Variants in ALDH2 observed in about 807,000 individuals in gnomAD.
The protein encoded by ALDH2 is aldehyde dehydrogenase 2 family member.
A neutral mutation model predicts 59.6 loss-of-function variants in ALDH2; 44 were observed. The observed-to-expected ratio is 0.74, with a 90% CI of 0.58 to 0.95. The LOEUF (loss-of-function observed/expected upper bound fraction) is 0.95. ALDH2 is among the 40% of genes least tolerant of loss of function. ALDH2 has a pLI of 0.00. For synonymous variants in ALDH2, 291 were observed against 284.0 expected (o/e 1.02, Z -0.25); for missense variants, 570 against 696.3 (o/e 0.82, Z 2.04).
At chr12:111,770,938 C>T (rs765574013) in intron 1 of ALDH2, among the ~76,000 whole-genome samples, 8 of 152,000 alleles carry the variant, frequency 5.3e-5, no homozygotes, top group Non-Finnish European at 7.4e-5. Flanking sequence ...GCACTGCAGC[C>T]AGCCAATTTT....
intron 1 of ALDH2, among the ~76,000 whole-genome samples, chr12:111,780,795 C>T (rs1809681990): frequency 6.6e-6 from 1 of 152,146 alleles, no homozygotes; most frequent in Non-Finnish European, 1.5e-5. Flanking sequence ...TGGCCCATCG[C>T]AGGTGTTCAT....
chr12:111,796,656 A>G (rs1330565529), intron 9 of ALDH2, among the ~76,000 whole-genome samples: 1 of 152,146 alleles, frequency 6.6e-6, no homozygotes, highest in Admixed American at 6.5e-5. Flanking sequence ...TAGTCCTAAC[A>G]CTTGGGAGGG....
At chr12:111,794,979 A>G (rs1442339509) in intron 9 of ALDH2, among the ~76,000 whole-genome samples, 1 of 152,126 alleles carries the variant, frequency 6.6e-6, no homozygotes, top group Non-Finnish European at 1.5e-5. Flanking sequence ...ACCCATTAGC[A>G]GTCACTCCCC....
intron 1 of ALDH2, among the ~76,000 whole-genome samples, chr12:111,777,547 AGGG>A (rs1357730259): frequency 6.6e-6 from 1 of 152,134 alleles, no homozygotes; most frequent in Non-Finnish European, 1.5e-5. Flanking sequence ...CCTGTGCTAC[AGGG>A]GGAAGGAGAG....
intron 4 of ALDH2, 147 bp from the exon 5 acceptor site, chr12:111,789,676 G>A (rs2068341155): frequency 7.3e-6 from 5 of 685,716 alleles, no homozygotes; most frequent in Admixed American, 2.7e-5. Flanking sequence ...GACCTTTGCA[G>A]TCACTTGTCT....
intron 1 of ALDH2, among the ~76,000 whole-genome samples, chr12:111,769,538 A>G (rs1005349954): frequency 4.0e-5 from 6 of 150,222 alleles, no homozygotes; most frequent in Non-Finnish European, 7.4e-5. Context: ...TGCCTGCAGC[A>G]AGAGAGAGAG....
chr12:111,807,971 G>T (rs184047998), intron 12 of ALDH2, among the ~76,000 whole-genome samples: 1 of 151,924 alleles, frequency 6.6e-6, no homozygotes, highest in East Asian at 1.9e-4. Flanking sequence ...CCGCCTCCCG[G>T]GCTCAAGCGA....
intron 3 of ALDH2, among the ~76,000 whole-genome samples, chr12:111,784,447 C>T (rs1374645057): frequency 6.6e-6 from 1 of 152,222 alleles, no homozygotes. Context: ...TCAGCGCTTG[C>T]ACCTGCCTGG....
chr12:111,789,527 A>T (rs534740237), intron 4 of ALDH2, among the ~76,000 whole-genome samples: 62 of 152,162 alleles, frequency 4.1e-4, no homozygotes, highest in African/African-American at 1.4e-3. Context: ...AAGAAAAAAA[A>T]AAAATCTAAT....
chr12:111,797,706 A>G (rs1250764886), intron 9 of ALDH2, among the ~76,000 whole-genome samples: 1 of 152,226 alleles, frequency 6.6e-6, no homozygotes, highest in Admixed American at 6.5e-5. Context: ...TAGCTGGGCC[A>G]AAGGATCTGA....
At chr12:111,783,550 C>T (rs1001769422) in intron 3 of ALDH2, among the ~76,000 whole-genome samples, 2 of 152,180 alleles carry the variant, frequency 1.3e-5, no homozygotes, top group African/African-American at 4.8e-5. Flanking sequence ...CACTCTGTCG[C>T]CTAGGCTGGA....
chr12:111,791,055 CA>C (rs937579110), intron 6 of ALDH2, among the ~76,000 whole-genome samples: 17 of 152,190 alleles, frequency 1.1e-4, no homozygotes, highest in African/African-American at 4.1e-4. Flanking sequence ...TCTCAAAAAA[CA>C]AACAAAAACC....
chr12:111,805,888 C>T (rs544607302), intron 12 of ALDH2, among the ~76,000 whole-genome samples: 38 of 150,800 alleles, frequency 2.5e-4, no homozygotes, highest in African/African-American at 7.8e-4. Context: ...CTGGGCGTGG[C>T]GGCACATGCC....
At chr12:111,784,885 A>G (rs767304915) in intron 3 of ALDH2, among the ~76,000 whole-genome samples, 2 of 152,222 alleles carry the variant, frequency 1.3e-5, no homozygotes, top group African/African-American at 2.4e-5. Flanking sequence ...GCAAGTCACT[A>G]CATCCGGCCT....
intron 1 of ALDH2, among the ~76,000 whole-genome samples, chr12:111,776,470 T>G (rs2136009730): frequency 6.6e-6 from 1 of 151,980 alleles, no homozygotes; most frequent in East Asian, 1.9e-4. Flanking sequence ...GAGTCAGAAT[T>G]CAAACCCAGG....
rs1203408580 is a variant in ALDH2 at position 111,811,466 on chromosome 12, CT to C, written c.*1902del. 2.9e-4 allele frequency: 42 copies of C among 146,218 alleles called. No homozygotes were observed. Among genetic ancestry groups the C allele is most frequent in the African/African-American group, 5.7e-4 (23 of 40,102 alleles). 9.1% of individuals were successfully genotyped at this position (146,218 alleles called of 1,614,324 possible). A position where few individuals can be genotyped will look rare whatever the true frequency, so the allele number is the denominator to read the frequency against. ...GATTTGAGTCTTGACAATGTATTTT[CT>C]TTTTTTTTTTCTTCTTTTTTTTTTG... On this transcript the variant is annotated 3_prime_UTR_variant, in exon 13 of 13. Coordinates refer to ENST00000261733, the MANE Select transcript of ALDH2 (RefSeq NM_000690.4).
chr12:111,770,717 T>C (rs573227883), intron 1 of ALDH2, among the ~76,000 whole-genome samples: 3 of 152,128 alleles, frequency 2.0e-5, no homozygotes, highest in Non-Finnish European at 4.4e-5. Context: ...TGATCTTGGC[T>C]CACTCTAACC....
intron 12 of ALDH2, among the ~76,000 whole-genome samples, chr12:111,804,309 C>T (rs1015965093): frequency 2.0e-5 from 3 of 152,166 alleles, no homozygotes; most frequent in Non-Finnish European, 1.5e-5. Context: ...TACTGAGGGA[C>T]GTGCCCCCAT....
intron 1 of ALDH2, among the ~76,000 whole-genome samples, chr12:111,779,268 C>T (rs891375423): frequency 6.6e-6 from 1 of 152,154 alleles, no homozygotes; most frequent in Admixed American, 6.5e-5. Flanking sequence ...TCACTGCAGC[C>T]TCAACCTCCC....
Sources: allele counts gnomAD v4.1 joint callset (sites outside exome capture counted in the v4.1 genomes callset), GRCh38; gene constraint gnomAD v4.1.1; transcripts MANE v1.5; gene names NCBI Gene and HGNC (gene_info 2026-07-23, HGNC 2026-07-21).